The following CACNA2D3 variants were observed in gnomAD, a reference collection of about 807,000 sequenced individuals.
CACNA2D3 encodes voltage-dependent calcium channel subunit alpha-2/delta-3.
A neutral mutation model predicts 160.6 loss-of-function variants in CACNA2D3; 60 were observed. That is an observed-to-expected ratio of 0.37 (90% CI 0.30 to 0.46). CACNA2D3 has a LOEUF of 0.46. Among genes scored for constraint, CACNA2D3 ranks in the 20% least tolerant of loss-of-function variants. The probability of loss-of-function intolerance (pLI) is 1.00; values close to 1 mark genes in which losing one functional copy is unlikely to be tolerated. For missense variants in CACNA2D3, 1,205 were observed against 1,365.0 expected, an observed-to-expected ratio of 0.88 and a Z score of 1.85; for synonymous variants, 558 against 492.9, an observed-to-expected ratio of 1.13 and a Z score of -1.75.
intron 11 of CACNA2D3, among the ~76,000 whole-genome samples, chr3:54,700,608 T>C (rs907305097): frequency 2.0e-5 from 3 of 152,360 alleles, no homozygotes; most frequent in Non-Finnish European, 4.4e-5. Context: ...TTTATTTTTA[T>C]TTTTAATATG....
At chr3:54,165,726 T>G in intron 2 of CACNA2D3, among the ~76,000 whole-genome samples, 1 of 151,076 alleles carries the variant, frequency 6.6e-6, no homozygotes, top group African/African-American at 2.4e-5. Flanking sequence ...CGAGCCCAGG[T>G]GTTTGAGGCT....
At chr3:54,977,897 G>A (rs1239477998) in intron 29 of CACNA2D3, among the ~76,000 whole-genome samples, 2 of 152,106 alleles carry the variant, frequency 1.3e-5, no homozygotes, top group African/African-American at 4.8e-5. Context: ...CAGCCTCGAG[G>A]GCTGCTGGTT....
In CACNA2D3 at chr3:54,386,694, GT is replaced by G. The variant is rs62967361; in HGVS notation, c.322-3del. 192,828 of 1,326,108 alleles carry G rather than the reference GT, an allele frequency of 0.15. 24 individuals carry two copies. The highest frequency in any genetic ancestry group is 0.2 in the Middle Eastern group (959 of 4,796). 82.1% of individuals were successfully genotyped at this position (1,326,108 alleles called of 1,614,324 possible). A position where few individuals can be genotyped will look rare whatever the true frequency, so the allele number is the denominator to read the frequency against. ...ATTCTGATCCTTAATGCTGTCTTCTGTTTTTTTTTTTTTTTTTTAGCGTCTG... is the reference window on the plus strand; with the variant it reads ...ATTCTGATCCTTAATGCTGTCTTCTGTTTTTTTTTTTTTTTTTAGCGTCTG... On this transcript the variant is annotated intron_variant, in intron 3 of 37. Transcript: ENST00000474759.
intron 3 of CACNA2D3, among the ~76,000 whole-genome samples, chr3:54,372,083 C>G (rs1698934688): frequency 6.6e-6 from 1 of 152,196 alleles, no homozygotes; most frequent in Non-Finnish European, 1.5e-5. Context: ...CCAAGGGCCT[C>G]AGAGATGGCT....
intron 2 of CACNA2D3, among the ~76,000 whole-genome samples, chr3:54,243,847 G>C (rs1248133397): frequency 6.6e-6 from 1 of 152,130 alleles, no homozygotes; most frequent in Non-Finnish European, 1.5e-5. Flanking sequence ...GCTCTGAGTG[G>C]GTAATGACAC....
At chr3:54,922,284 C>T (rs1005744581) in intron 27 of CACNA2D3, among the ~76,000 whole-genome samples, 3 of 151,688 alleles carry the variant, frequency 2.0e-5, no homozygotes, top group Non-Finnish European at 4.4e-5. Context: ...CATTTCATCC[C>T]ATCCCAGGTT....
chr3:54,176,303 C>T lies in CACNA2D3; in HGVS notation c.204+52709C>T, dbSNP rs567334743. ...ATGGTTTGCTTAGTTTCAAATTTCCCTTTTATGTGTTTAAGGAAGAAACAG... is the reference window on the plus strand; with the variant it reads ...ATGGTTTGCTTAGTTTCAAATTTCCTTTTTATGTGTTTAAGGAAGAAACAG... On this transcript the variant is annotated intron_variant, in intron 2 of 37. Coordinates refer to ENST00000474759, the MANE Select transcript of CACNA2D3 (RefSeq NM_018398.3). Among the ~76,000 whole-genome samples, 21 of 152,284 alleles carry T rather than the reference C, an allele frequency of 1.4e-4. No homozygotes were observed. The South Asian group carries it at 2.1e-3, about 15-fold the overall frequency.
intron 5 of CACNA2D3, among the ~76,000 whole-genome samples, chr3:54,545,850 G>T (rs1702055210): frequency 6.6e-6 from 1 of 152,106 alleles, no homozygotes; most frequent in Non-Finnish European, 1.5e-5. Context: ...TCTTCCCTGT[G>T]GTCTTTATTC....
chr3:54,602,941 C>T (rs185584410), intron 9 of CACNA2D3, among the ~76,000 whole-genome samples: 1 of 152,332 alleles, frequency 6.6e-6, no homozygotes, highest in South Asian at 2.1e-4. Flanking sequence ...GCACCCACCT[C>T]ATAATCTGGG....
chr3:54,978,463 C>G (rs1311465398), intron 29 of CACNA2D3, among the ~76,000 whole-genome samples: 1 of 152,164 alleles, frequency 6.6e-6, no homozygotes, highest in Non-Finnish European at 1.5e-5. Context: ...ATTGGTATGG[C>G]AAGGGCCGTT....
chr3:54,879,496 C>A, intron 20 of CACNA2D3, 85 bp downstream of exon 20: 1 of 976,514 alleles, frequency 1.0e-6, no homozygotes. Context: ...CAGAGCTCAT[C>A]ATCTGAAGAT....
intron 35 of CACNA2D3, among the ~76,000 whole-genome samples, chr3:55,022,966 T>C (rs958388961): frequency 1.3e-5 from 2 of 152,102 alleles, no homozygotes; most frequent in African/African-American, 4.8e-5. Flanking sequence ...TTTACCTGCA[T>C]TTTTTATATG....
intron 2 of CACNA2D3, among the ~76,000 whole-genome samples, chr3:54,269,655 G>A (rs576884699): frequency 6.6e-6 from 1 of 152,338 alleles, no homozygotes; most frequent in African/African-American, 2.4e-5. Flanking sequence ...CTAGGCTGGG[G>A]ATGCAGACAG....
chr3:54,942,355 C>A (rs1701493309), intron 27 of CACNA2D3, among the ~76,000 whole-genome samples: 1 of 152,182 alleles, frequency 6.6e-6, no homozygotes, highest in South Asian at 2.1e-4. Flanking sequence ...GTTCTGCCAT[C>A]CCCTCCCACA....
chr3:54,319,522 G>A (rs1703942800), intron 2 of CACNA2D3, among the ~76,000 whole-genome samples: 1 of 152,106 alleles, frequency 6.6e-6, no homozygotes, highest in South Asian at 2.1e-4. Flanking sequence ...AAATGTGATG[G>A]ATTCATGTTG....
chr3:54,168,428 G>T (rs954702684), intron 2 of CACNA2D3, among the ~76,000 whole-genome samples: 1 of 152,174 alleles, frequency 6.6e-6, no homozygotes, highest in Non-Finnish European at 1.5e-5. Flanking sequence ...GAACAGCCGC[G>T]CAGTGATGTT....
intron 9 of CACNA2D3, among the ~76,000 whole-genome samples, chr3:54,609,696 C>T (rs1396030165): frequency 1.3e-5 from 2 of 152,182 alleles, no homozygotes; most frequent in African/African-American, 2.4e-5. Context: ...GCTTCTTCAC[C>T]ACACGACTTC....
chr3:54,925,309 C>G, intron 27 of CACNA2D3: 1 of 1,050,968 alleles, frequency 9.5e-7, no homozygotes, highest in Non-Finnish European at 1.4e-6. Flanking sequence ...AATGTGCTTT[C>G]CAGCCAGGTG....
At chr3:54,728,709 A>G (rs1477211981) in intron 11 of CACNA2D3, among the ~76,000 whole-genome samples, 1 of 152,216 alleles carries the variant, frequency 6.6e-6, no homozygotes, top group Non-Finnish European at 1.5e-5. Flanking sequence ...CAGGCAAAGT[A>G]TCTTGATCTA....
Sources: allele counts gnomAD v4.1 joint callset (sites outside exome capture counted in the v4.1 genomes callset), GRCh38; gene constraint gnomAD v4.1.1; transcripts MANE v1.5; gene names NCBI Gene and HGNC (gene_info 2026-07-23, HGNC 2026-07-21).